LDB3: variants seen among roughly 807,000 people sequenced by gnomAD.
LDB3 encodes the protein LIM domain-binding protein 3.
Under a neutral mutation model 69.0 loss-of-function variants are expected in LDB3, and 49 were observed. The ratio of observed to expected loss-of-function variants is 0.71; its 90% confidence interval spans 0.56 to 0.90. The LOEUF (loss-of-function observed/expected upper bound fraction) is 0.90, where lower values mean the gene tolerates loss of function less well. Among genes scored for constraint, LDB3 ranks in the 40% least tolerant of loss-of-function variants. The pLI is 0.00. For synonymous variants in LDB3, 387 were observed against 396.2 expected (o/e 0.98, Z 0.28); for missense variants, 928 against 974.1 (o/e 0.95, Z 0.63).
At chr10:86,677,088 G>A (rs1844833655) in intron 2 of LDB3, among the ~76,000 whole-genome samples, 1 of 152,260 alleles carries the variant, frequency 6.6e-6, no homozygotes, top group Non-Finnish European at 1.5e-5. Flanking sequence ...ATGTTTGGGA[G>A]GCAAAGCCAA....
intron 4 of LDB3, 119 bp from the exon 5 acceptor site, chr10:86,681,317 G>T: frequency 6.8e-7 from 1 of 1,475,436 alleles, no homozygotes. Flanking sequence ...GGCGCTCTGG[G>T]CTTCAGGCTG....
chr10:86,728,353 A>G (rs1336052602), intron 13 of LDB3, among the ~76,000 whole-genome samples: 2 of 152,206 alleles, frequency 1.3e-5, no homozygotes, highest in African/African-American at 4.8e-5. Flanking sequence ...TCGCAATTTC[A>G]GCTGAGTCAC....
In LDB3 at chr10:86,681,767, T is replaced by A; in HGVS notation, c.653T>A (p.Leu218His). ...ATGGCTCAGATGTACCAGATGAGCC[T>A]CCGAGGGAAGGCCTCGGGTGTCGGA... is the stretch of plus-strand genomic sequence containing the variant. ...REMAQMYQMSLRGKASGVGLP... is the reference protein window; with the variant it reads ...REMAQMYQMSHRGKASGVGLP... Residue 218 changes from leucine (L) to histidine (H), a missense_variant, in exon 5 of 14, where the codon CTC becomes CAC. Leu to His is a moderately conservative substitution (Grantham distance 99). Coordinates refer to ENST00000361373, the MANE Select transcript of LDB3 (RefSeq NM_007078.3). The A allele has an allele frequency of 6.2e-7, 1 of 1,600,344 alleles. No individual in the cohort carries two copies. The highest frequency in any genetic ancestry group is 2.2e-5 in the East Asian group (1 of 44,626).
At position 86,691,907 on chromosome 10, in the gene LDB3, T is replaced by A. The variant is rs749041369; in HGVS notation, c.701T>A (p.Ile234Asn). 1.2e-6 allele frequency: 2 copies of A among 1,614,018 alleles called. No homozygotes were observed. Among genetic ancestry groups the A allele is most frequent in the Non-Finnish European group, 1.7e-6 (2 of 1,180,042 alleles). Residue 234 changes from isoleucine (I) to asparagine (N), a missense_variant, in exon 6 of 14, where the codon ATT becomes AAT. Physicochemically the swap from Ile to Asn is moderately radical, Grantham distance 149. Coordinates refer to ENST00000361373, the MANE Select transcript of LDB3 (RefSeq NM_007078.3). Reference protein sequence around the residue: ...GVGLPGGSLPIKDLAVDSASP... With the variant: ...GVGLPGGSLPNKDLAVDSASP... ...TCTCTGCATTACAGGAGCCTCCCTA[T>A]TAAGGACCTTGCCGTAGACAGCGCC...
At position 86,679,448 on chromosome 10, in the gene LDB3, A is replaced by G. The variant is rs1219221888; in HGVS notation, c.175A>G (p.Thr59Ala). Residue 59 changes from threonine (T) to alanine (A), a missense_variant, in exon 3 of 14, where the codon ACC becomes GCC. By Grantham distance (58) the Thr-to-Ala change is moderately conservative (BLOSUM62 0). Coordinates refer to ENST00000361373, the MANE Select transcript of LDB3 (RefSeq NM_007078.3). ...VVAIDGVNTD[T>A]MTHLEAQNKI... ...GGCCATTGACGGCGTCAACACAGAC[A>G]CCATGACCCACCTGGAAGCCCAGAA... The G allele has an allele frequency of 1.9e-6, 3 of 1,613,972 alleles. No individual in the cohort carries two copies. The highest frequency in any genetic ancestry group is 2.5e-6 in the Non-Finnish European group (3 of 1,180,028).
intron 13 of LDB3, among the ~76,000 whole-genome samples, chr10:86,730,356 G>A (rs542024842): frequency 6.6e-6 from 1 of 152,168 alleles, no homozygotes; most frequent in Non-Finnish European, 1.5e-5. Context: ...CCCCAGCAGG[G>A]ATCTTCACTG....
At chr10:86,679,226 A>C (rs1415455770) in intron 2 of LDB3, 141 bp from the exon 3 acceptor site, 7 of 982,888 alleles carry the variant, frequency 7.1e-6, no homozygotes, top group Non-Finnish European at 1.1e-5. Flanking sequence ...AGGCTTGGTT[A>C]GCAGCTGGTA....
intron 12 of LDB3, among the ~76,000 whole-genome samples, chr10:86,724,261 G>A (rs1344691142): frequency 3.3e-5 from 5 of 150,936 alleles, no homozygotes; most frequent in Non-Finnish European, 7.4e-5. Flanking sequence ...GCAGTGAGCT[G>A]AGATTGTGCC....
chr10:86,671,508 C>T (rs569819147), intron 2 of LDB3, among the ~76,000 whole-genome samples: 43 of 152,146 alleles, frequency 2.8e-4, no homozygotes, highest in Non-Finnish European at 4.9e-4. Flanking sequence ...AGGAGGGTGG[C>T]GGGGAAATGC....
rs146894623 is a variant in LDB3 at position 86,713,823 on chromosome 10, C to G, written c.1232-2504C>G. ...CTATGTCACCCCAGCAGGTCCCCAG[C>G]ATGCCCTGTGGGGCAGGCAGGGTGT... On this transcript the variant is annotated intron_variant, in intron 9 of 13. Coordinates refer to ENST00000361373, the MANE Select transcript of LDB3 (RefSeq NM_007078.3). Among the ~76,000 whole-genome samples the G allele has an allele frequency of 2.6e-5, 4 of 152,360 alleles. No individual in the cohort carries two copies. In the East Asian group the frequency reaches 7.7e-4, roughly 29 times the overall value.
upstream of LDB3, among the ~76,000 whole-genome samples, chr10:86,667,969 C>T (rs576109970): frequency 1.2e-4 from 19 of 152,304 alleles, no homozygotes; most frequent in African/African-American, 1.9e-4. Context: ...TTGTCTCCTG[C>T]GGGCCCAGGT....
intron 12 of LDB3, among the ~76,000 whole-genome samples, chr10:86,725,870 C>T (rs1386705900): frequency 6.6e-6 from 1 of 152,202 alleles, no homozygotes; most frequent in African/African-American, 2.4e-5. Flanking sequence ...GACAATCTCC[C>T]TGCAGAAGGT....
intron 7 of LDB3, among the ~76,000 whole-genome samples, chr10:86,692,841 G>A (rs1015944175): frequency 2.6e-5 from 4 of 152,348 alleles, no homozygotes; most frequent in South Asian, 4.1e-4. Flanking sequence ...AGGGGGCAGG[G>A]CTGCTTTGGC....
rs529548444 is a variant in LDB3 at position 86,731,109 on chromosome 10, C to T, written c.2095-1778C>T. 8.1e-5 allele frequency among the ~76,000 whole-genome samples: 12 copies of T among 148,044 alleles called. No homozygotes were observed. The East Asian group carries it at 1.4e-3, about 18-fold the overall frequency. ...GGCAGAGGTTGCAGTGAGCTGAGAT[C>T]GCGCCACTGCACTCCAGCCTGGGTG... On this transcript the variant is annotated intron_variant, in intron 13 of 13. Coordinates refer to ENST00000361373, the MANE Select transcript of LDB3 (RefSeq NM_007078.3).
At chr10:86,728,414 G>A (rs906888829) in intron 13 of LDB3, among the ~76,000 whole-genome samples, 1 of 152,122 alleles carries the variant, frequency 6.6e-6, no homozygotes, top group Non-Finnish European at 1.5e-5. Context: ...AGCTTGGGGT[G>A]GCTAAGGCTG....
At chr10:86,716,183 C>G (rs536659575) in intron 9 of LDB3, 144 bp from the exon 10 acceptor site, 2 of 912,076 alleles carry the variant, frequency 2.2e-6, no homozygotes, top group Non-Finnish European at 3.5e-6. Flanking sequence ...TCAAGAAGTT[C>G]AGGAACAAGT....
rs1847613280 is a variant in LDB3 at position 86,735,796 on chromosome 10, A to AG, written c.*2820_*2821insG. On this transcript the variant is annotated 3_prime_UTR_variant, in exon 14 of 14. Transcript: ENST00000361373. ...CTCCGTTGCAAAAAAAAAAAAAAAA[A>AG]AAAAATTATAATCACAACTTTTTGC... The AG allele has an allele frequency of 6.6e-6, 1 of 151,340 alleles. No individual in the cohort carries two copies. Among genetic ancestry groups the AG allele is most frequent in the African/African-American group, 2.4e-5 (1 of 41,198 alleles). 9.4% of individuals were successfully genotyped at this position (151,340 alleles called of 1,614,324 possible).
intron 5 of LDB3, chr10:86,687,087 C>T (rs766386760): frequency 6.2e-7 from 1 of 1,614,018 alleles, no homozygotes; most frequent in East Asian, 2.2e-5. Context: ...ACCAGGAACG[C>T]TTCAACCCCA....
upstream of LDB3, among the ~76,000 whole-genome samples, chr10:86,668,089 C>T (rs1040189448): frequency 1.3e-5 from 2 of 152,194 alleles, no homozygotes; most frequent in Non-Finnish European, 2.9e-5. Flanking sequence ...GGGCCAGTCA[C>T]AGACCAGCTG....
Sources: gnomAD v4.1 joint callset for allele counts (sites outside exome capture counted in the v4.1 genomes callset) on GRCh38, gnomAD v4.1.1 for gene constraint, MANE v1.5 for transcripts, NCBI Gene and HGNC (gene_info 2026-07-23, HGNC 2026-07-21) for gene names.